The following PARD3 variants were observed in gnomAD, a reference collection of about 807,000 sequenced individuals.
PARD3 encodes the protein partitioning defective 3 homolog.
Under a neutral mutation model 155.4 loss-of-function variants are expected in PARD3, and 75 were observed. The ratio of observed to expected loss-of-function variants is 0.48; its 90% CI spans 0.40 to 0.58. PARD3 has a LOEUF of 0.58. PARD3 is among the 20% of genes least tolerant of loss of function. The pLI, the probability that PARD3 is intolerant of heterozygous loss-of-function variation, is 0.00. For missense variants in PARD3, 1,642 were observed against 1,721.7 expected (o/e 0.95, Z 0.82); for synonymous variants, 576 against 610.5 (o/e 0.94, Z 0.83).
At chr10:34,782,803 T>G (rs1308209770) in intron 1 of PARD3, among the ~76,000 whole-genome samples, 1 of 151,910 alleles carries the variant, frequency 6.6e-6, no homozygotes, top group Non-Finnish European at 1.5e-5. Context: ...CTTGGCTCAC[T>G]GCAGCCTCTG....
At chr10:34,700,845 G>GCCTGTAGTCCCAGCTCCTCTTTCT (rs2094261100) in intron 1 of PARD3, among the ~76,000 whole-genome samples, 1 of 151,998 alleles carries the variant, frequency 6.6e-6, no homozygotes, top group Non-Finnish European at 1.5e-5. Context: ...GGTGGCGTGC[G>GCCTGTAGTCCCAGCTCCTCTTTCT]CCTGTAGTCC....
intron 22 of PARD3, among the ~76,000 whole-genome samples, chr10:34,262,769 G>C (rs1213877631): frequency 1.3e-5 from 2 of 152,156 alleles, no homozygotes; most frequent in African/African-American, 4.8e-5. Flanking sequence ...AGTACAAAAT[G>C]AAAACCTTCA....
intron 2 of PARD3, among the ~76,000 whole-genome samples, chr10:34,525,384 A>G (rs1033042150): frequency 6.6e-6 from 1 of 152,254 alleles, no homozygotes; most frequent in African/African-American, 2.4e-5. Context: ...CAAGAATGGC[A>G]AAGTGTGGAT....
chr10:34,573,653 G>A (rs2086615957), intron 2 of PARD3, among the ~76,000 whole-genome samples: 1 of 151,804 alleles, frequency 6.6e-6, no homozygotes, highest in African/African-American at 2.4e-5. Flanking sequence ...GTTGCAGTAA[G>A]CCGAGATCAT....
chr10:34,702,277 C>G (rs1760707537), intron 1 of PARD3, among the ~76,000 whole-genome samples: 1 of 151,842 alleles, frequency 6.6e-6, no homozygotes, highest in Admixed American at 6.6e-5. Flanking sequence ...ATCACCTGAC[C>G]CTGGGGAATT....
At chr10:34,485,010 G>A (rs1164165624) in intron 3 of PARD3, among the ~76,000 whole-genome samples, 1 of 152,108 alleles carries the variant, frequency 6.6e-6, no homozygotes, top group African/African-American at 2.4e-5. Flanking sequence ...CAGAGGCCAG[G>A]CCCTTAAAAG....
intron 2 of PARD3, among the ~76,000 whole-genome samples, chr10:34,590,583 C>T (rs1375056725): frequency 6.6e-6 from 1 of 152,146 alleles, no homozygotes; most frequent in African/African-American, 2.4e-5. Context: ...GAAACACCAG[C>T]TTTTGATTTT....
At chr10:34,764,873 C>G (rs952094350) in intron 1 of PARD3, among the ~76,000 whole-genome samples, 5 of 152,156 alleles carry the variant, frequency 3.3e-5, no homozygotes, top group Non-Finnish European at 5.9e-5. Flanking sequence ...ACACAGTGCT[C>G]AAAGTACTGT....
intron 6 of PARD3, among the ~76,000 whole-genome samples, chr10:34,401,231 T>G (rs1589438689): frequency 6.6e-6 from 1 of 152,282 alleles, no homozygotes; most frequent in East Asian, 1.9e-4. Context: ...ATGTCAATAT[T>G]TAAAATAATC....
chr10:34,117,699 GC>G (rs1472989595), intron 24 of PARD3, among the ~76,000 whole-genome samples: 1 of 152,118 alleles, frequency 6.6e-6, no homozygotes, highest in Non-Finnish European at 1.5e-5. Context: ...ATCACTTGAG[GC>G]CAGGGGTTCG....
chr10:34,674,317 C>A (rs1341578427), intron 2 of PARD3, among the ~76,000 whole-genome samples: 3 of 152,006 alleles, frequency 2.0e-5, no homozygotes, highest in Non-Finnish European at 4.4e-5. Context: ...CCTTAATTTG[C>A]ATTAATTAAA....
chr10:34,434,753 T>C (rs1439601172), intron 5 of PARD3, among the ~76,000 whole-genome samples: 3 of 152,096 alleles, frequency 2.0e-5, no homozygotes, highest in Non-Finnish European at 4.4e-5. Flanking sequence ...ATTAGAGGCA[T>C]ACAGAAAAGA....
intron 2 of PARD3, among the ~76,000 whole-genome samples, chr10:34,548,844 G>A (rs900915375): frequency 6.6e-6 from 1 of 151,482 alleles, no homozygotes; most frequent in Non-Finnish European, 1.5e-5. Flanking sequence ...TCTCTATCAC[G>A]TCCCAAATTC....
chr10:34,229,787 C>A (rs1407028557), intron 22 of PARD3, among the ~76,000 whole-genome samples: 1 of 151,854 alleles, frequency 6.6e-6, no homozygotes, highest in Non-Finnish European at 1.5e-5. Flanking sequence ...TGTTACTGGG[C>A]AATGAATGAA....
At chr10:34,479,896 T>C (rs1174402192) in intron 3 of PARD3, among the ~76,000 whole-genome samples, 1 of 152,162 alleles carries the variant, frequency 6.6e-6, no homozygotes, top group Non-Finnish European at 1.5e-5. Context: ...TTCTAATATA[T>C]GGCAGGATTA....
chr10:34,229,661 C>CGTGTGTGTGTGTGT (rs57319517), intron 22 of PARD3, among the ~76,000 whole-genome samples: 1 of 145,618 alleles, frequency 6.9e-6, no homozygotes, highest in African/African-American at 2.5e-5. Flanking sequence ...GTTGAGGGTG[C>CGTGTGTGTGTGTGT]GTGTGTGTGT....
chr10:34,383,113 T>C (rs545289163), intron 8 of PARD3, among the ~76,000 whole-genome samples, 191 bp from the exon 9 acceptor site: 1 of 152,346 alleles, frequency 6.6e-6, no homozygotes, highest in Admixed American at 6.5e-5. Context: ...TCTTCAAATA[T>C]AAATTTCTCA....
chr10:34,756,999 T>G (rs1441550133), intron 1 of PARD3, among the ~76,000 whole-genome samples: 3 of 152,202 alleles, frequency 2.0e-5, no homozygotes, highest in African/African-American at 7.2e-5. Context: ...GGTTCTAAAG[T>G]CATAAACAAG....
intron 19 of PARD3, 66 bp downstream of exon 19, chr10:34,331,051 C>T: frequency 7.7e-7 from 1 of 1,291,954 alleles, no homozygotes; most frequent in Non-Finnish European, 1.1e-6. Context: ...CCAGGGCTCC[C>T]TGGAGCTCAC....
Sources: allele counts gnomAD v4.1 joint callset (sites outside exome capture counted in the v4.1 genomes callset), GRCh38; gene constraint gnomAD v4.1.1; transcripts MANE v1.5; gene names NCBI Gene and HGNC (gene_info 2026-07-23, HGNC 2026-07-21).